WDR72: variants seen among roughly 807,000 people sequenced by gnomAD.
The protein encoded by WDR72 is WD repeat domain 72, also known as WD repeat-containing protein 72.
Under a neutral mutation model 124.2 loss-of-function variants are expected in WDR72, and 120 were observed. The observed-to-expected ratio is 0.97, with a 90% CI of 0.83 to 1.12. The LOEUF is 1.12. WDR72 is among the 50% of genes most tolerant of loss of function. The pLI is 0.00. For missense variants in WDR72, 1,387 were observed against 1,278.8 expected, an observed-to-expected ratio of 1.08 and a Z score of -1.29; for synonymous variants, 452 against 441.7, an observed-to-expected ratio of 1.02 and a Z score of -0.29.
At chr15:53,753,488 T>C (rs1311386176) in intron 1 of WDR72, among the ~76,000 whole-genome samples, 2 of 152,132 alleles carry the variant, frequency 1.3e-5, no homozygotes, top group East Asian at 3.9e-4. Flanking sequence ...CCCAAGGTGG[T>C]TTGGAAAAAG....
At chr15:53,683,215 G>A (rs1001507463) in intron 13 of WDR72, among the ~76,000 whole-genome samples, 1 of 152,102 alleles carries the variant, frequency 6.6e-6, no homozygotes, top group Non-Finnish European at 1.5e-5. Flanking sequence ...GGGACACAGA[G>A]CCAAACCCTA....
chr15:53,625,906 T>G (rs1169764482), intron 14 of WDR72, among the ~76,000 whole-genome samples: 5 of 152,214 alleles, frequency 3.3e-5, no homozygotes, highest in Non-Finnish European at 5.9e-5. Flanking sequence ...TACTATGTTC[T>G]TCTTCCTTTT....
chr15:53,570,290 T>C (rs1161421292), intron 18 of WDR72, among the ~76,000 whole-genome samples: 2 of 151,322 alleles, frequency 1.3e-5, no homozygotes, highest in African/African-American at 2.4e-5. Flanking sequence ...TGAGAACACT[T>C]AGAATCTAAC....
intron 14 of WDR72, among the ~76,000 whole-genome samples, chr15:53,656,283 G>C (rs986598573): frequency 2.6e-5 from 4 of 152,134 alleles, no homozygotes; most frequent in African/African-American, 9.7e-5. Context: ...ACGTCATTTG[G>C]AGATGCAGAG....
intron 13 of WDR72, among the ~76,000 whole-genome samples, chr15:53,679,523 A>G (rs1595843105): frequency 1.3e-5 from 2 of 152,286 alleles, no homozygotes; most frequent in Non-Finnish European, 2.9e-5. Flanking sequence ...GCAGTGTCAT[A>G]TGAGGCTGAG....
intron 1 of WDR72, among the ~76,000 whole-genome samples, chr15:53,750,742 C>T (rs72730623): frequency 0.14 from 21,011 of 152,104 alleles, 1,881 homozygotes; most frequent in Middle Eastern, 0.2. Flanking sequence ...GAAGTTGATT[C>T]CAACCCTCAT....
intron 18 of WDR72, among the ~76,000 whole-genome samples, chr15:53,526,221 G>A (rs952421881): frequency 6.6e-6 from 1 of 152,016 alleles, no homozygotes; most frequent in Admixed American, 6.6e-5. Context: ...AAAGTAACTA[G>A]TAGGAACACC....
intron 1 of WDR72, among the ~76,000 whole-genome samples, chr15:53,733,977 C>T (rs925144313): frequency 4.6e-5 from 7 of 151,920 alleles, no homozygotes; most frequent in Admixed American, 4.6e-4. Flanking sequence ...TAAAAATGTC[C>T]GAAAGAGAGG....
At chr15:53,599,428 C>T (rs887069162) in intron 17 of WDR72, among the ~76,000 whole-genome samples, 2 of 152,002 alleles carry the variant, frequency 1.3e-5, no homozygotes, top group Non-Finnish European at 2.9e-5. Flanking sequence ...ACCACAAATC[C>T]AACCTTTGAC....
Position 53,597,069 on chromosome 15 carries a change from T to C in WDR72, c.3148+10A>G, listed in dbSNP as rs755550906. 1.9e-5 allele frequency: 31 copies of C among 1,613,262 alleles called. No homozygotes were observed. The highest frequency in any genetic ancestry group is 2.5e-5 in the Non-Finnish European group (30 of 1,179,524). On this transcript the variant is annotated intron_variant, in intron 18 of 19. Transcript: ENST00000360509. ...TGTTGAAAGAGTATACCAATAAATT[T>C]TGTACTTACTTTGCAGAGGCAAAGT... is the stretch of plus-strand genomic sequence containing the variant.
At chr15:53,672,895 T>C (rs2016043829) in intron 13 of WDR72, among the ~76,000 whole-genome samples, 2 of 152,172 alleles carry the variant, frequency 1.3e-5, no homozygotes, top group East Asian at 3.8e-4. Flanking sequence ...TTTGGGAGAC[T>C]GAGGCGGGCT....
intron 14 of WDR72, among the ~76,000 whole-genome samples, chr15:53,630,254 C>T (rs1017199446): frequency 6.6e-6 from 1 of 152,158 alleles, no homozygotes; most frequent in African/African-American, 2.4e-5. Flanking sequence ...GTCCAGATGA[C>T]TCCACTGTTA....
chr15:53,699,660 T>A (rs2017104920), intron 13 of WDR72, 90 bp downstream of exon 13: 1 of 1,404,732 alleles, frequency 7.1e-7, no homozygotes. Context: ...AGTGAGGTCA[T>A]CACCGTGTCT....
chr15:53,707,018 A>G (rs916292651), intron 9 of WDR72, among the ~76,000 whole-genome samples: 1 of 152,248 alleles, frequency 6.6e-6, no homozygotes, highest in East Asian at 1.9e-4. Context: ...GCAGGTTTGT[A>G]TATAGAGATT....
At chr15:53,728,463 T>C (rs2018106768) in intron 2 of WDR72, among the ~76,000 whole-genome samples, 1 of 152,176 alleles carries the variant, frequency 6.6e-6, no homozygotes, top group Non-Finnish European at 1.5e-5. Context: ...GAGTAGTGTT[T>C]AAATCCCCAT....
chr15:53,624,186 AAGGT>A (rs1313491688), intron 14 of WDR72, among the ~76,000 whole-genome samples: 1 of 152,210 alleles, frequency 6.6e-6, no homozygotes, highest in Non-Finnish European at 1.5e-5. Context: ...GAATGGCTGA[AAGGT>A]AGAATACGGG....
chr15:53,684,349 T>C (rs71474839), intron 13 of WDR72: 9,757 of 154,304 alleles, frequency 0.063, 344 homozygotes, highest in African/African-American at 0.077. Flanking sequence ...TCAGTGGGTG[T>C]GCGCACCGTG....
At chr15:53,558,894 CTT>C (rs958403868) in intron 18 of WDR72, among the ~76,000 whole-genome samples, 1 of 151,894 alleles carries the variant, frequency 6.6e-6, no homozygotes, top group African/African-American at 2.4e-5. Context: ...CTTAATGAAA[CTT>C]AACTTTTTAG....
intron 14 of WDR72, among the ~76,000 whole-genome samples, chr15:53,618,321 C>A (rs1253456219): frequency 1.3e-5 from 2 of 151,802 alleles, no homozygotes; most frequent in Non-Finnish European, 2.9e-5. Flanking sequence ...TTATTTAGAC[C>A]ATGTTTAATT....
Sources: gnomAD v4.1 joint callset for allele counts (sites outside exome capture counted in the v4.1 genomes callset) on GRCh38, gnomAD v4.1.1 for gene constraint, MANE v1.5 for transcripts, NCBI Gene and HGNC (gene_info 2026-07-23, HGNC 2026-07-21) for gene names.